TDRD7: variants seen among roughly 807,000 people sequenced by gnomAD.
TDRD7 encodes the protein tudor domain-containing protein 7.
Under a neutral mutation model 109.8 loss-of-function variants are expected in TDRD7, and 47 were observed. The observed-to-expected ratio is 0.43, with a 90% CI of 0.34 to 0.55. TDRD7 has a LOEUF of 0.55. Among genes scored for constraint, TDRD7 ranks in the 20% least tolerant of loss-of-function variants. The probability of loss-of-function intolerance (pLI) is 0.03; values close to 1 mark genes in which losing one functional copy is unlikely to be tolerated. For missense variants in TDRD7, 1,164 were observed against 1,319.2 expected (o/e 0.88, Z 1.82); for synonymous variants, 424 against 457.3 (o/e 0.93, Z 0.93).
chr9:97,469,194 A>G (rs924953419), intron 8 of TDRD7, among the ~76,000 whole-genome samples: 1 of 152,200 alleles, frequency 6.6e-6, no homozygotes, highest in Non-Finnish European at 1.5e-5. Flanking sequence ...GGTGATAGCT[A>G]TTAAAGGAAA....
At chr9:97,491,663 G>A (rs571570033) in intron 16 of TDRD7, among the ~76,000 whole-genome samples, 2 of 152,318 alleles carry the variant, frequency 1.3e-5, no homozygotes, top group East Asian at 1.9e-4. Context: ...TAGCTTAGGT[G>A]GAGCAGGATG....
At chr9:97,491,547 G>A (rs1465147640) in intron 16 of TDRD7, among the ~76,000 whole-genome samples, 1 of 152,184 alleles carries the variant, frequency 6.6e-6, no homozygotes, top group African/African-American at 2.4e-5. Context: ...ATGTGTGTCT[G>A]GGGTGTGAGG....
intron 16 of TDRD7, among the ~76,000 whole-genome samples, chr9:97,491,655 G>C (rs1025828714): frequency 6.6e-6 from 1 of 152,158 alleles, no homozygotes; most frequent in Admixed American, 6.5e-5. Flanking sequence ...TTTCCCCCTA[G>C]CTTAGGTGGA....
At chr9:97,478,658 A>T (rs1317359007) in intron 13 of TDRD7, 85 bp downstream of exon 13, 1 of 1,585,408 alleles carries the variant, frequency 6.3e-7, no homozygotes, top group Non-Finnish European at 8.6e-7. Flanking sequence ...CTCAGTTTTG[A>T]TCTCATTAAT....
At chr9:97,437,118 G>C (rs1179751811) in intron 4 of TDRD7, among the ~76,000 whole-genome samples, 1 of 152,096 alleles carries the variant, frequency 6.6e-6, no homozygotes, top group Non-Finnish European at 1.5e-5. Flanking sequence ...CTGTGTTACA[G>C]ATTACCCCAA....
intron 4 of TDRD7, among the ~76,000 whole-genome samples, chr9:97,438,497 G>C (rs1006412593): frequency 5.9e-5 from 9 of 152,146 alleles, no homozygotes; most frequent in African/African-American, 2.2e-4. Flanking sequence ...TGCCTTGCAT[G>C]TATCAAGCTC....
rs1269437228 is a variant in TDRD7 at position 97,487,346 on chromosome 9, A to G, written c.3076+14A>G. ...CTCAACTTGCAGGTAATTTCTGTGG[A>G]ATCTGAACTCATGCTACAACAATGC... On this transcript the variant is annotated intron_variant, in intron 16 of 16. Coordinates refer to ENST00000355295, the MANE Select transcript of TDRD7 (RefSeq NM_014290.3). 6.2e-7 allele frequency: 1 copy of G among 1,613,760 alleles called. No homozygotes were observed. Among genetic ancestry groups the G allele is most frequent in the African/African-American group, 1.3e-5 (1 of 74,898 alleles).
rs1828970126 is a variant in TDRD7, at chr9:97,474,165, T to A, written c.2079+539T>A. ...TCAAATTGTATTAATAAGCTCCTTA[T>A]CCTTTAATTCTACTATTTTTTTCTG... On this transcript the variant is annotated intron_variant, in intron 11 of 16. Transcript: ENST00000355295. Among the ~76,000 whole-genome samples the A allele has an allele frequency of 2.0e-5, 3 of 152,212 alleles. No homozygotes were observed. In the South Asian group the frequency reaches 6.2e-4, roughly 32 times the overall value.
Position 97,453,717 on chromosome 9 carries a change from A to C in TDRD7, c.856-6461A>C, listed in dbSNP as rs1828549790. Reference sequence around the variant, plus strand: ...GAGGAAAATTTACCAAGCAAATGGAAAGCAAAAAAATAAAAAAGCAGGTGT... The same window carrying C: ...GAGGAAAATTTACCAAGCAAATGGACAGCAAAAAAATAAAAAAGCAGGTGT... On this transcript the variant is annotated intron_variant, in intron 6 of 16. Coordinates refer to ENST00000355295, the MANE Select transcript of TDRD7 (RefSeq NM_014290.3). 3.3e-5 allele frequency among the ~76,000 whole-genome samples: 5 copies of C among 152,180 alleles called. No homozygotes were observed. The South Asian group carries it at 1.0e-3, about 32-fold the overall frequency.
intron 6 of TDRD7, among the ~76,000 whole-genome samples, chr9:97,455,793 T>C (rs1198104457): frequency 6.6e-6 from 1 of 152,198 alleles, no homozygotes; most frequent in Non-Finnish European, 1.5e-5. Flanking sequence ...TCACCACTCC[T>C]ATTCAACATA....
chr9:97,431,542 CAGTTCTA>C (rs923546571), intron 3 of TDRD7, among the ~76,000 whole-genome samples: 3 of 152,152 alleles, frequency 2.0e-5, no homozygotes, highest in African/African-American at 7.2e-5. Context: ...ATCTTACAAT[CAGTTCTA>C]AAACTAAATT....
At chr9:97,493,870 C>T (rs2131190114) in intron 16 of TDRD7, among the ~76,000 whole-genome samples, 1 of 152,352 alleles carries the variant, frequency 6.6e-6, no homozygotes, top group Admixed American at 6.5e-5. Flanking sequence ...TTCCGCCCGG[C>T]TTACTGGCAG....
At chr9:97,456,710 C>T (rs560118173) in intron 6 of TDRD7, among the ~76,000 whole-genome samples, 3 of 152,234 alleles carry the variant, frequency 2.0e-5, no homozygotes, top group Admixed American at 6.5e-5. Context: ...AACCCCAAAC[C>T]ATAAAAACCC....
At chr9:97,435,586 T>C (rs771608517) in intron 4 of TDRD7, among the ~76,000 whole-genome samples, 5 of 151,486 alleles carry the variant, frequency 3.3e-5, no homozygotes, top group Non-Finnish European at 5.9e-5. Context: ...CAGTGAGTTA[T>C]AATCACACCA....
intron 4 of TDRD7, among the ~76,000 whole-genome samples, chr9:97,434,231 G>A (rs1443593287): frequency 6.6e-6 from 1 of 152,068 alleles, no homozygotes. Flanking sequence ...GATGAACCTG[G>A]GAGACATTAT....
In TDRD7 at chr9:97,495,682, G is replaced by T. The variant is rs1478403033; in HGVS notation, c.3096G>T (p.Trp1032Cys). Residue 1032 changes from tryptophan (W) to cysteine (C), a missense_variant, in exon 17 of 17, where the codon TGG (tryptophan) becomes TGT (cysteine). Trp to Cys is a radical substitution (Grantham distance 215). Coordinates refer to ENST00000355295, the MANE Select transcript of TDRD7 (RefSeq NM_014290.3). ...TCCTAGGAGTGAAGTGCAACCAGTG[G>T]TCTGAGGAGGCTTCTATGGTGTTTC... ...AQLAGVKCNQ[W>C]SEEASMVFRN... 1 of 1,614,134 alleles carries T rather than the reference G, an allele frequency of 6.2e-7. No individual in the cohort carries two copies. The highest frequency in any genetic ancestry group is 8.5e-7 in the Non-Finnish European group (1 of 1,180,028).
At chr9:97,438,359 T>G (rs768943737) in intron 4 of TDRD7, among the ~76,000 whole-genome samples, 2 of 152,218 alleles carry the variant, frequency 1.3e-5, no homozygotes, top group African/African-American at 2.4e-5. Context: ...TTCCATACTA[T>G]TCAAAAACTG....
chr9:97,453,422 C>T (rs1474945162), intron 6 of TDRD7, among the ~76,000 whole-genome samples: 4 of 151,950 alleles, frequency 2.6e-5, no homozygotes, highest in African/African-American at 9.7e-5. Context: ...TGGAGGCTCC[C>T]ATTGAAAAAA....
At chr9:97,417,229 G>C (rs1054899121) in intron 1 of TDRD7, among the ~76,000 whole-genome samples, 1 of 152,166 alleles carries the variant, frequency 6.6e-6, no homozygotes, top group African/African-American at 2.4e-5. Flanking sequence ...AAAGAGAAGA[G>C]AGAACTTAGG....
Sources: allele counts gnomAD v4.1 joint callset (sites outside exome capture counted in the v4.1 genomes callset), GRCh38; gene constraint gnomAD v4.1.1; transcripts MANE v1.5; gene names NCBI Gene and HGNC (gene_info 2026-07-23, HGNC 2026-07-21).